TENM1: variants seen among roughly 807,000 people sequenced by gnomAD.
The protein encoded by TENM1 is teneurin-1.
TENM1 carries 35 observed loss-of-function variants against 174.8 expected under a neutral mutation model. The observed-to-expected ratio is 0.20, with a 90% CI of 0.15 to 0.27. The LOEUF is 0.27. Among genes scored for constraint, TENM1 ranks in the 10% least tolerant of loss-of-function variants. TENM1 has a pLI of 1.00. For synonymous variants in TENM1, 781 were observed against 798.7 expected, an observed-to-expected ratio of 0.98 and a Z score of 0.37; for missense variants, 1,633 against 2,130.1, an observed-to-expected ratio of 0.77 and a Z score of 4.59.
chrX:124,830,219 T>C (rs1416702330), intron 3 of TENM1, among the ~76,000 whole-genome samples: 1 of 112,175 alleles, frequency 8.9e-6, no homozygotes, highest in African/African-American at 3.2e-5. Context: ...GTCCTCTGCC[T>C]GGCTCCCTGA....
At chrX:124,556,650 AT>A (rs905523008) in intron 14 of TENM1, among the ~76,000 whole-genome samples, 3 of 108,999 alleles carry the variant, frequency 2.8e-5, no homozygotes, top group African/African-American at 6.7e-5. Context: ...CCTCTTTCTA[AT>A]TTTTTTTTGT....
At chrX:124,788,356 C>A (rs1020012751) in intron 3 of TENM1, among the ~76,000 whole-genome samples, 2 of 111,330 alleles carry the variant, frequency 1.8e-5, no homozygotes, top group Admixed American at 9.5e-5. Flanking sequence ...CTGTACCTGG[C>A]CTCTCCCAAA....
chrX:124,805,961 C>T (rs1395945241), intron 3 of TENM1, among the ~76,000 whole-genome samples: 2 of 109,315 alleles, frequency 1.8e-5, no homozygotes, highest in Non-Finnish European at 3.8e-5. Flanking sequence ...AAATAAAGTG[C>T]CAGTGACTGG....
intron 15 of TENM1, among the ~76,000 whole-genome samples, chrX:124,540,991 T>C (rs764520542): frequency 5.4e-4 from 61 of 112,306 alleles, no homozygotes; most frequent in African/African-American, 1.9e-3. Context: ...ATGTCAATTA[T>C]TGGCAGGTTG....
chrX:124,915,870 G>T (rs1351429280), intron 1 of TENM1, among the ~76,000 whole-genome samples: 3 of 112,359 alleles, frequency 2.7e-5, no homozygotes, highest in East Asian at 5.6e-4. Flanking sequence ...AGCATCTCAG[G>T]ATTTATTCTA....
intron 10 of TENM1, among the ~76,000 whole-genome samples, chrX:124,644,044 C>CAT (rs72253813): frequency 0.081 from 6,416 of 79,000 alleles, 221 homozygotes; most frequent in Admixed American, 0.13. Flanking sequence ...ATATAAATGG[C>CAT]ATATATATAT....
chrX:124,655,299 C>T (rs1223912043), intron 6 of TENM1, among the ~76,000 whole-genome samples: 1 of 111,729 alleles, frequency 9.0e-6, no homozygotes, highest in Non-Finnish European at 1.9e-5. Context: ...TATTTATTGT[C>T]ATATTTTCCA....
At chrX:124,425,458 C>G (rs1323666501) in intron 23 of TENM1, among the ~76,000 whole-genome samples, 2 of 111,391 alleles carry the variant, frequency 1.8e-5, no homozygotes, top group African/African-American at 6.5e-5. Context: ...AGGGTGGGGT[C>G]CCCATGATGG....
At chrX:125,037,879 T>G in the TENM1 span, among the ~76,000 whole-genome samples, 2 of 111,850 alleles carry the variant, frequency 1.8e-5, no homozygotes, top group East Asian at 5.7e-4. Flanking sequence ...TTTTGTCATA[T>G]GGTGCCTTGT....
At chrX:124,828,078 T>C (rs755016746) in intron 3 of TENM1, among the ~76,000 whole-genome samples, 2 of 111,512 alleles carry the variant, frequency 1.8e-5, no homozygotes, top group African/African-American at 6.5e-5. Flanking sequence ...CATGGCCAAT[T>C]TAAGAGTAAT....
intron 6 of TENM1, among the ~76,000 whole-genome samples, chrX:124,655,559 C>G (rs943141574): frequency 8.9e-6 from 1 of 112,130 alleles, no homozygotes; most frequent in African/African-American, 3.2e-5. Context: ...TCTTTGTGCT[C>G]ACCCATTATA....
At chrX:124,652,760 C>A (rs2051342008) in intron 7 of TENM1, among the ~76,000 whole-genome samples, 1 of 105,850 alleles carries the variant, frequency 9.4e-6, no homozygotes. Flanking sequence ...ATTCAAAAGG[C>A]CCCTCCTCTC....
At chrX:124,479,293 G>A (rs1374801028) in intron 22 of TENM1, among the ~76,000 whole-genome samples, 2 of 112,208 alleles carry the variant, frequency 1.8e-5, no homozygotes. Flanking sequence ...CTTCAGGAAC[G>A]TTATGTGTAA....
At chrX:125,093,287 C>G in the TENM1 span, among the ~76,000 whole-genome samples, 1 of 111,318 alleles carries the variant, frequency 9.0e-6, no homozygotes, top group Non-Finnish European at 1.9e-5. Context: ...CTCTGCAGCT[C>G]AAACCCCAAA....
chrX:124,509,090 CAA>C (rs1491490996), intron 18 of TENM1, among the ~76,000 whole-genome samples: 1 of 110,419 alleles, frequency 9.1e-6, no homozygotes, highest in African/African-American at 3.3e-5. Context: ...CACACACACA[CAA>C]ACACACACAC....
At chrX:124,592,719 G>A in intron 11 of TENM1, among the ~76,000 whole-genome samples, 1 of 109,223 alleles carries the variant, frequency 9.2e-6, no homozygotes, top group Admixed American at 9.7e-5. Flanking sequence ...CAAAGTGCTG[G>A]GATTATAGGC....
At chrX:124,969,749 A>C in the TENM1 span, among the ~76,000 whole-genome samples, 1 of 110,120 alleles carries the variant, frequency 9.1e-6, no homozygotes, top group African/African-American at 3.3e-5. Context: ...CCCGACTCTT[A>C]ACCACTCGTC....
intron 3 of TENM1, among the ~76,000 whole-genome samples, chrX:124,783,702 T>A (rs2054971626): frequency 9.0e-6 from 1 of 111,534 alleles, no homozygotes; most frequent in Non-Finnish European, 1.9e-5. Context: ...ATGGGTTAAT[T>A]TCCAGTTTTT....
chrX:124,989,277 A>T, the TENM1 span, among the ~76,000 whole-genome samples: 36 of 112,071 alleles, frequency 3.2e-4, no homozygotes, highest in African/African-American at 7.4e-4. Context: ...AAATAAAATT[A>T]AAAATGCCAA....
Sources: gnomAD v4.1 joint callset for allele counts (sites outside exome capture counted in the v4.1 genomes callset) on GRCh38, gnomAD v4.1.1 for gene constraint, MANE v1.5 for transcripts, NCBI Gene and HGNC (gene_info 2026-07-23, HGNC 2026-07-21) for gene names.